The following MTERF3 variants were observed in gnomAD, a reference collection of about 807,000 sequenced individuals.
MTERF3 encodes the protein mitochondrial transcription termination factor 3.
MTERF3 carries 40 observed loss-of-function variants against 40.5 expected under a neutral mutation model. That is an observed-to-expected ratio of 0.99 (90% CI 0.77 to 1.29). MTERF3 has a LOEUF of 1.29. Ranked by LOEUF, MTERF3 falls within the 50% of genes most tolerant of loss-of-function variation. The probability of loss-of-function intolerance (pLI) is 0.00; values close to 1 mark genes in which losing one functional copy is unlikely to be tolerated. For synonymous variants in MTERF3, 158 were observed against 166.6 expected, an observed-to-expected ratio of 0.95 and a Z score of 0.40; for missense variants, 452 against 478.2, an observed-to-expected ratio of 0.95 and a Z score of 0.51.
At chr8:96,252,164 C>A (rs902121805) in intron 3 of MTERF3, among the ~76,000 whole-genome samples, 4 of 152,230 alleles carry the variant, frequency 2.6e-5, no homozygotes, top group African/African-American at 9.6e-5. Flanking sequence ...CATTAAACCT[C>A]TTCCTTTTGT....
rs1290052377 is a variant in MTERF3 at position 96,250,767 on chromosome 8, T to A, written c.677+139A>T. ...AACTGTTGTAAATACTTAATTTAGA[T>A]CAAAGAAGGTCTATAACAAAAAAAA... On this transcript the variant is annotated intron_variant, in intron 4 of 7. Coordinates refer to ENST00000287025, the MANE Select transcript of MTERF3 (RefSeq NM_015942.5). The A allele has an allele frequency of 9.3e-6, 6 of 642,144 alleles. No individual in the cohort carries two copies. In the African/African-American group the frequency reaches 1.3e-4, roughly 14 times the overall value. 39.8% of individuals were successfully genotyped at this position (642,144 alleles called of 1,614,324 possible). A position where few individuals can be genotyped will look rare whatever the true frequency, so the allele number is the denominator to read the frequency against.
intron 3 of MTERF3, among the ~76,000 whole-genome samples, chr8:96,252,910 A>G (rs1178499918): frequency 6.6e-6 from 1 of 152,348 alleles, no homozygotes; most frequent in East Asian, 1.9e-4. Context: ...CACTGCTCTC[A>G]ATGCAAATAA....
chr8:96,241,810 T>G (rs1001284315), intron 7 of MTERF3, among the ~76,000 whole-genome samples: 1 of 152,190 alleles, frequency 6.6e-6, no homozygotes, highest in African/African-American at 2.4e-5. Flanking sequence ...TGGTTCCCTC[T>G]AATCCTAAGG....
chr8:96,248,270 A>T (rs1307614697), intron 4 of MTERF3, among the ~76,000 whole-genome samples: 1 of 152,244 alleles, frequency 6.6e-6, no homozygotes, highest in Admixed American at 6.5e-5. Context: ...TTTCAGAAGT[A>T]TGTACAAGGT....
intron 2 of MTERF3, among the ~76,000 whole-genome samples, chr8:96,257,564 T>C (rs2129947344): frequency 6.6e-6 from 1 of 152,294 alleles, no homozygotes; most frequent in South Asian, 2.1e-4. Context: ...CTCAAATACA[T>C]CTTTAAAAGG....
chr8:96,246,053 T>G, intron 5 of MTERF3, 122 bp from the exon 6 acceptor site: 2 of 943,914 alleles, frequency 2.1e-6, no homozygotes, highest in Non-Finnish European at 3.2e-6. Context: ...AGAAAAATGA[T>G]AGGAACCCCA....
chr8:96,259,989 C>T (rs1586175086), intron 1 of MTERF3: 1 of 152,196 alleles, frequency 6.6e-6, no homozygotes, highest in East Asian at 1.9e-4. Context: ...ACTGCAACCT[C>T]TGCCTCCCAG....
chr8:96,252,070 T>C (rs1050938310), intron 3 of MTERF3, among the ~76,000 whole-genome samples: 8 of 152,190 alleles, frequency 5.3e-5, no homozygotes, highest in Non-Finnish European at 1.0e-4. Context: ...CAAGCTCCCT[T>C]CTCTTGGCTG....
intron 3 of MTERF3, 112 bp from the exon 4 acceptor site, chr8:96,251,207 A>T: frequency 2.7e-6 from 2 of 730,914 alleles, no homozygotes; most frequent in Non-Finnish European, 4.2e-6. Context: ...CCAAAGGAGC[A>T]CTGAGATAGA....
intron 5 of MTERF3, 106 bp downstream of exon 5, chr8:96,246,201 A>G (rs539892639): frequency 9.1e-7 from 1 of 1,104,278 alleles, no homozygotes; most frequent in East Asian, 2.6e-5. Context: ...AAATACCAGG[A>G]ATTTATATGA....
intron 4 of MTERF3, among the ~76,000 whole-genome samples, chr8:96,247,415 A>T (rs376472503): frequency 7.3e-4 from 111 of 152,380 alleles, no homozygotes; most frequent in Non-Finnish European, 1.3e-3. Flanking sequence ...TAACATTTTT[A>T]AAAAATCTAA....
Position 96,258,485 on chromosome 8 carries a change from C to A in MTERF3, c.206G>T (p.Ser69Ile). Reference protein sequence around the residue: ...KTYRTSSLWNSSQSTSSSSQE... With the variant: ...KTYRTSSLWNISQSTSSSSQE... ...ACTACTTGAGCTAGTAGACTGGGAA[C>A]TATTCCATAAGGAGGAAGTCCTGTA... Residue 69 changes from serine to isoleucine, a missense_variant, in exon 2 of 8, where the codon AGT (serine) becomes ATT (isoleucine). Physicochemically the swap from Ser to Ile is moderately radical, Grantham distance 142 (BLOSUM62 -2). Transcript: ENST00000287025. 1 of 1,614,158 alleles carries A rather than the reference C, an allele frequency of 6.2e-7. No individual in the cohort carries two copies. Among genetic ancestry groups the A allele is most frequent in the Non-Finnish European group, 8.5e-7 (1 of 1,180,002 alleles).
At chr8:96,251,135 A>G (rs753973713) in intron 3 of MTERF3, 40 bp from the exon 4 acceptor site, 1 of 1,492,522 alleles carries the variant, frequency 6.7e-7, no homozygotes, top group Non-Finnish European at 8.9e-7. Context: ...ATGACTTCTT[A>G]GTTCACCCAT....
chr8:96,241,085 G>A (rs2129865010), intron 7 of MTERF3, among the ~76,000 whole-genome samples: 1 of 151,988 alleles, frequency 6.6e-6, no homozygotes, highest in South Asian at 2.1e-4. Flanking sequence ...TTTTTTAGAA[G>A]TATGACTCCT....
chr8:96,240,967 G>A (rs1368489698), intron 7 of MTERF3, among the ~76,000 whole-genome samples: 1 of 152,180 alleles, frequency 6.6e-6, no homozygotes, highest in African/African-American at 2.4e-5. Context: ...TTTTGGAACA[G>A]AACATCTCCC....
At chr8:96,245,963 C>T in intron 5 of MTERF3, 32 bp from the exon 6 acceptor site, 1 of 1,582,028 alleles carries the variant, frequency 6.3e-7, no homozygotes, top group Non-Finnish European at 8.7e-7. Context: ...TCTAGTATTA[C>T]TATACGTGCA....
At chr8:96,246,042 C>T in intron 5 of MTERF3, 111 bp from the exon 6 acceptor site, 1 of 1,027,546 alleles carries the variant, frequency 9.7e-7, no homozygotes, top group Non-Finnish European at 1.4e-6. Context: ...ATGACCCAAT[C>T]AGAAAAATGA....
At chr8:96,241,443 A>G (rs957505736) in intron 7 of MTERF3, among the ~76,000 whole-genome samples, 1 of 152,046 alleles carries the variant, frequency 6.6e-6, no homozygotes, top group African/African-American at 2.4e-5. Context: ...ACAAAAAAAA[A>G]CTATCACCCA....
At chr8:96,256,901 A>G in intron 3 of MTERF3, 61 bp downstream of exon 3, 1 of 1,466,254 alleles carries the variant, frequency 6.8e-7, no homozygotes, top group Non-Finnish European at 9.1e-7. Context: ...GTTAATTTAA[A>G]AAAGTAAAAA....
Sources: allele counts gnomAD v4.1 joint callset (sites outside exome capture counted in the v4.1 genomes callset), GRCh38; gene constraint gnomAD v4.1.1; transcripts MANE v1.5; gene names NCBI Gene and HGNC (gene_info 2026-07-23, HGNC 2026-07-21).